The following ADGRV1 variants were observed in gnomAD, a reference collection of about 807,000 sequenced individuals.
The protein encoded by ADGRV1 is G-protein coupled receptor 98.
In ADGRV1, 359 loss-of-function variants were observed where a neutral mutation model predicts 596.2. The observed-to-expected ratio is 0.60, with a 90% CI of 0.55 to 0.66. The LOEUF is 0.66. Among genes scored for constraint, ADGRV1 ranks in the 30% least tolerant of loss-of-function variants. The pLI, the probability that ADGRV1 is intolerant of heterozygous loss-of-function variation, is 0.00. For synonymous variants in ADGRV1, 2,681 were observed against 2,679.2 expected (o/e 1.00, Z -0.02); for missense variants, 7,274 against 7,575.6 (o/e 0.96, Z 1.48).
At chr5:90,675,157 A>C in intron 23 of ADGRV1, 86 bp from the exon 24 acceptor site, 2 of 1,202,308 alleles carry the variant, frequency 1.7e-6, no homozygotes, top group Non-Finnish European at 2.3e-6. Flanking sequence ...TGGTGATCAA[A>C]ATAATTGTGT....
At chr5:90,806,775 T>C (rs1761938656) in intron 72 of ADGRV1, among the ~76,000 whole-genome samples, 1 of 152,208 alleles carries the variant, frequency 6.6e-6, no homozygotes, top group Admixed American at 6.5e-5. Flanking sequence ...TTTGAGCCTT[T>C]GTAATAAATT....
chr5:91,092,794 A>G (rs1181127564), intron 86 of ADGRV1: 1 of 151,882 alleles, frequency 6.6e-6, no homozygotes, highest in African/African-American at 2.4e-5. Flanking sequence ...AATACTACCC[A>G]TATGAGAACA....
chr5:91,035,848 ATATATATATATAT>A (rs1413903892), intron 85 of ADGRV1, among the ~76,000 whole-genome samples: 13 of 59,534 alleles, frequency 2.2e-4, no homozygotes, highest in Admixed American at 3.9e-4. Flanking sequence ...GAGTGTGTAT[ATATATATATATAT>A]TATATATATA....
intron 70 of ADGRV1, among the ~76,000 whole-genome samples, chr5:90,801,153 G>A (rs767414132): frequency 6.6e-5 from 10 of 152,302 alleles, no homozygotes; most frequent in African/African-American, 9.6e-5. Flanking sequence ...ATGGAAGAGC[G>A]TATTGAGAAC....
intron 34 of ADGRV1, among the ~76,000 whole-genome samples, chr5:90,700,021 T>G (rs150269158): frequency 1.8e-3 from 280 of 152,314 alleles, no homozygotes; most frequent in African/African-American, 6.4e-3. Context: ...TTTTACTTAC[T>G]TTTTTCTCTT....
chr5:91,085,548 T>C (rs1285027717), intron 86 of ADGRV1, among the ~76,000 whole-genome samples: 1 of 152,210 alleles, frequency 6.6e-6, no homozygotes, highest in Non-Finnish European at 1.5e-5. Context: ...ACTTTCCTTA[T>C]GTTCTCTGAT....
intron 1 of ADGRV1, among the ~76,000 whole-genome samples, chr5:90,569,786 A>G (rs1756284551): frequency 6.6e-6 from 1 of 152,012 alleles, no homozygotes; most frequent in South Asian, 2.1e-4. Context: ...ATAATAATCT[A>G]GCTCAGATTA....
Position 90,683,769 on chromosome 5 carries a change from T to A in ADGRV1, c.5848T>A (p.Ser1950Thr). Residue 1950 changes from serine (S) to threonine (T), a missense_variant, in exon 28 of 90, where the codon TCA (serine) becomes ACA (threonine). Physicochemically the swap from Ser to Thr is moderately conservative, Grantham distance 58 (BLOSUM62 1). Transcript: ENST00000405460. The stretch of plus-strand genomic sequence containing the variant: ...AGAACTGGATAAGGCATTCTCTGTG[T>A]CAGTCCTCAGTGTTTCCAGTGGTTC... ...DPELDKAFSVSVLSVSSGSLG... is the reference protein window; with the variant it reads ...DPELDKAFSVTVLSVSSGSLG... 6.2e-7 allele frequency: 1 copy of A among 1,613,882 alleles called. No homozygotes were observed. The highest frequency in any genetic ancestry group is 1.7e-5 in the Admixed American group (1 of 60,006).
At chr5:90,679,332 G>A (rs1744640497) in intron 25 of ADGRV1, among the ~76,000 whole-genome samples, 1 of 152,160 alleles carries the variant, frequency 6.6e-6, no homozygotes, top group South Asian at 2.1e-4. Context: ...TCTACATGGA[G>A]TATTTCATGA....
intron 87 of ADGRV1, among the ~76,000 whole-genome samples, chr5:91,104,273 A>G (rs1398774886): frequency 6.6e-6 from 1 of 152,220 alleles, no homozygotes; most frequent in Non-Finnish European, 1.5e-5. Context: ...CAGGTTTGAC[A>G]GTTGTTACAG....
intron 87 of ADGRV1, among the ~76,000 whole-genome samples, chr5:91,103,495 G>A (rs751835581): frequency 1.3e-5 from 2 of 151,406 alleles, no homozygotes; most frequent in African/African-American, 2.4e-5. Flanking sequence ...AGCCATCAGG[G>A]CAGAGGCTCA....
At chr5:90,608,654 T>G (rs1391819797) in intron 1 of ADGRV1, among the ~76,000 whole-genome samples, 1 of 152,120 alleles carries the variant, frequency 6.6e-6, no homozygotes, top group Non-Finnish European at 1.5e-5. Context: ...TTACATAAGC[T>G]TTCTCAGGCT....
In ADGRV1 at chr5:90,866,869, A is replaced by G. The variant is rs572273468; in HGVS notation, c.17856+3012A>G. ...TAAAGGTCTCTATTTTCAGTTTATC[A>G]AAAAATGTACATATTTCTTCAATAC... On this transcript the variant is annotated intron_variant, in intron 83 of 89. Transcript: ENST00000405460. Among the ~76,000 whole-genome samples the G allele has an allele frequency of 1.3e-4, 20 of 152,206 alleles. No individual in the cohort carries two copies. In the South Asian group the frequency reaches 3.9e-3, roughly 30 times the overall value.
At chr5:90,972,296 G>T (rs1357713162) in intron 84 of ADGRV1, among the ~76,000 whole-genome samples, 1 of 152,112 alleles carries the variant, frequency 6.6e-6, no homozygotes, top group Non-Finnish European at 1.5e-5. Flanking sequence ...AGATCAATGA[G>T]ACAGAAAGTT....
intron 10 of ADGRV1, among the ~76,000 whole-genome samples, chr5:90,635,795 A>G (rs369195615): frequency 6.6e-6 from 1 of 151,756 alleles, no homozygotes; most frequent in African/African-American, 2.4e-5. Flanking sequence ...GGGTTTTGTC[A>G]TGTTGTCCAG....
At chr5:90,609,540 C>T (rs960577501) in intron 1 of ADGRV1, among the ~76,000 whole-genome samples, 1 of 151,136 alleles carries the variant, frequency 6.6e-6, no homozygotes. Context: ...GTGGTGCTTG[C>T]CAAATACAAA....
chr5:90,784,869 C>T (rs1759256453), intron 67 of ADGRV1, among the ~76,000 whole-genome samples: 1 of 152,128 alleles, frequency 6.6e-6, no homozygotes, highest in African/African-American at 2.4e-5. Context: ...AATTAAATGC[C>T]ATCCCCATCA....
At chr5:91,100,626 G>A (rs1254386395) in intron 86 of ADGRV1, among the ~76,000 whole-genome samples, 2 of 152,108 alleles carry the variant, frequency 1.3e-5, no homozygotes, top group African/African-American at 2.4e-5. Context: ...ATTTGATAAG[G>A]AAAAAGATAT....
chr5:90,720,321 T>C (rs1750748622), intron 44 of ADGRV1, 98 bp downstream of exon 44: 1 of 745,890 alleles, frequency 1.3e-6, no homozygotes, highest in Non-Finnish European at 2.1e-6. Context: ...TATCTGATTA[T>C]TTTAAAAGGG....
Sources: gnomAD v4.1 joint callset for allele counts (sites outside exome capture counted in the v4.1 genomes callset) on GRCh38, gnomAD v4.1.1 for gene constraint, MANE v1.5 for transcripts, NCBI Gene and HGNC (gene_info 2026-07-23, HGNC 2026-07-21) for gene names.